The following CEP95 variants were observed in gnomAD, a reference collection of about 807,000 sequenced individuals.
CEP95 encodes centrosomal protein 95.
Under a neutral mutation model 111.2 loss-of-function variants are expected in CEP95, and 98 were observed. That is an observed-to-expected ratio of 0.88 (90% CI 0.75 to 1.04). The LOEUF (loss-of-function observed/expected upper bound fraction) is 1.04, where lower values mean the gene tolerates loss of function less well. Among genes scored for constraint, CEP95 ranks in the 50% least tolerant of loss-of-function variants. The probability of loss-of-function intolerance (pLI) is 0.00; values close to 1 mark genes in which losing one functional copy is unlikely to be tolerated. For missense variants in CEP95, 1,027 were observed against 977.2 expected (o/e 1.05, Z -0.68); for synonymous variants, 323 against 327.1 (o/e 0.99, Z 0.14).
intron 14 of CEP95, chr17:64,532,514 A>T: frequency 1.0e-6 from 1 of 985,412 alleles, no homozygotes; most frequent in Non-Finnish European, 1.2e-6. Flanking sequence ...TTTTCTTCTA[A>T]GCACTTGCCT....
intron 18 of CEP95, 71 bp downstream of exon 18, chr17:64,536,819 T>C: frequency 6.6e-7 from 1 of 1,504,980 alleles, no homozygotes; most frequent in Non-Finnish European, 9.0e-7. Flanking sequence ...AAAACTTGCT[T>C]AGTCTGTTGA....
At chr17:64,528,961 G>T (rs1968065494) in intron 11 of CEP95, among the ~76,000 whole-genome samples, 1 of 152,200 alleles carries the variant, frequency 6.6e-6, no homozygotes, top group Non-Finnish European at 1.5e-5. Flanking sequence ...GATAGCAGAT[G>T]CGTGGCTCAG....
chr17:64,534,474 C>T (rs1318583843), intron 16 of CEP95, 111 bp from the exon 17 acceptor site: 6 of 974,578 alleles, frequency 6.2e-6, no homozygotes, highest in African/African-American at 4.9e-5. Flanking sequence ...GCCCCCCACA[C>T]GTGACATACT....
At chr17:64,509,027 C>T (rs905549780) in intron 2 of CEP95, among the ~76,000 whole-genome samples, 14 of 152,098 alleles carry the variant, frequency 9.2e-5, no homozygotes, top group African/African-American at 3.4e-4. Flanking sequence ...ACGGCTTAAC[C>T]TAATCATGGC....
At chr17:64,518,620 C>T (rs1360821874) in intron 5 of CEP95, among the ~76,000 whole-genome samples, 1 of 152,140 alleles carries the variant, frequency 6.6e-6, no homozygotes, top group African/African-American at 2.4e-5. Context: ...ACAGGCAATG[C>T]CTTCTTTTTT....
intron 3 of CEP95, 69 bp from the exon 4 acceptor site, chr17:64,514,179 A>T (rs1555675773): frequency 3.1e-6 from 2 of 640,124 alleles, no homozygotes; most frequent in African/African-American, 3.6e-5. Flanking sequence ...GTTATATCCA[A>T]GTTTCAAGAT....
In CEP95 at chr17:64,508,663, T is replaced by G. The variant is rs1174111314; in HGVS notation, c.91T>G (p.Cys31Gly). 4.1e-6 allele frequency: 6 copies of G among 1,465,100 alleles called. No homozygotes were observed. The highest frequency in any genetic ancestry group is 5.5e-6 in the Non-Finnish European group (6 of 1,099,652). The allele number at this position is 1,465,100 out of a possible 1,614,324, so 90.8% of individuals were successfully genotyped here. ...IHLRIHELQD[C>G]DANVFIALYQ... Reference sequence around the variant, plus strand: ...TCTGAGAATACATGAACTTCAAGACTGTGATGCTAATGTTTTTATTGCTCT... The same window carrying G: ...TCTGAGAATACATGAACTTCAAGACGGTGATGCTAATGTTTTTATTGCTCT... Residue 31 changes from cysteine (C) to glycine (G), a missense_variant, in exon 2 of 20, where the codon TGT becomes GGT. Cys to Gly is a radical substitution (Grantham distance 159, BLOSUM62 -3). Coordinates refer to ENST00000556440, the MANE Select transcript of CEP95 (RefSeq NM_138363.3).
rs1968315821 is a variant in CEP95 at position 64,532,004 on chromosome 17, C to G, written c.1654C>G (p.Pro552Ala). Residue 552 changes from proline (P) to alanine (A), a missense_variant, in exon 14 of 20, where the codon CCA (proline) becomes GCA (alanine). Transcript: ENST00000556440. ...GAGTCTAAGAGGTGGCCTCCCAAAG[C>G]CAAATAAAGCAGTTCCAAGTAAGAA... is the stretch of plus-strand genomic sequence containing the variant. ...TQSLRGGLPK[P>A]NKAVPMKVSE... 6.3e-7 allele frequency: 1 copy of G among 1,583,004 alleles called. No homozygotes were observed. The highest frequency in any genetic ancestry group is 1.4e-5 in the African/African-American group (1 of 72,954).
Position 64,510,237 on chromosome 17 carries a change from A to C in CEP95, c.213A>C (p.Ser71=). The part of the protein sequence containing the change: ...DAHNVQAVID[S]LALDYLQVSL... ...ACAATGTACAAGCAGTAATTGATTCACTGGCCTTGGACTACTTGCAGGTCA... is the reference window on the plus strand; with the variant it reads ...ACAATGTACAAGCAGTAATTGATTCCCTGGCCTTGGACTACTTGCAGGTCA... Residue 71 remains serine, a synonymous_variant, in exon 3 of 20, where the codon TCA becomes TCC. Transcript: ENST00000556440. 6.2e-7 allele frequency: 1 copy of C among 1,612,038 alleles called. No individual in the cohort carries two copies. Among genetic ancestry groups the C allele is most frequent in the Non-Finnish European group, 8.5e-7 (1 of 1,178,874 alleles).
intron 14 of CEP95, chr17:64,532,521 G>C: frequency 1.0e-6 from 1 of 985,346 alleles, no homozygotes; most frequent in Non-Finnish European, 1.2e-6. Flanking sequence ...CTAAGCACTT[G>C]CCTACCGGGA....
intron 3 of CEP95, among the ~76,000 whole-genome samples, chr17:64,511,718 T>G (rs782649776): frequency 2.0e-5 from 3 of 152,202 alleles, no homozygotes; most frequent in Non-Finnish European, 4.4e-5. Flanking sequence ...AAGACAGGCC[T>G]AGGAAATCAC....
chr17:64,522,835 G>C lies in CEP95; in HGVS notation c.849G>C (p.Leu283Phe). The part of the protein sequence containing the change: ...RAPCPIGKEY[L>F]HSSHCSPAVN... The stretch of plus-strand genomic sequence containing the variant: ...CCTGCCCCATAGGAAAAGAATACTT[G>C]CATTCAAGTCACTGCTCCCCAGCCG... The change falls in exon 8 of 20, where the codon TTG becomes TTC. Residue 283 changes from leucine (L) to phenylalanine (F), a missense_variant. By Grantham distance (22) the Leu-to-Phe change is conservative. Transcript: ENST00000556440. 6.2e-7 allele frequency: 1 copy of C among 1,613,514 alleles called. No individual in the cohort carries two copies. The highest frequency in any genetic ancestry group is 8.5e-7 in the Non-Finnish European group (1 of 1,179,806).
intron 10 of CEP95, 32 bp downstream of exon 10, chr17:64,526,232 TC>T (rs1967807496): frequency 1.1e-5 from 18 of 1,585,558 alleles, no homozygotes; most frequent in Admixed American, 1.8e-5. Context: ...ATATTGAGAT[TC>T]CCATGGGTTA....
intron 16 of CEP95, 26 bp from the exon 17 acceptor site, chr17:64,534,554 CCTTCT>C (rs1555681075): frequency 6.3e-7 from 1 of 1,597,660 alleles, no homozygotes; most frequent in Non-Finnish European, 8.6e-7. Context: ...TTGTCCTTAC[CCTTCT>C]CTTCCCTCCC....
In CEP95 at chr17:64,529,330, T is replaced by A; in HGVS notation, c.1349T>A (p.Leu450His). Reference protein sequence around the residue: ...RRKPPYRSHSLSPSPVNKHKQ... With the variant: ...RRKPPYRSHSHSPSPVNKHKQ... ...AAGCCACCCTACAGATCCCATTCGCTCTCTCCATCTCCAGTTAACAAACAC... is the reference window on the plus strand; with the variant it reads ...AAGCCACCCTACAGATCCCATTCGCACTCTCCATCTCCAGTTAACAAACAC... Residue 450 changes from leucine (L) to histidine (H), a missense_variant, in exon 12 of 20, where the codon CTC becomes CAC. Physicochemically the swap from Leu to His is moderately conservative, Grantham distance 99. Coordinates refer to ENST00000556440, the MANE Select transcript of CEP95 (RefSeq NM_138363.3). 1.2e-6 allele frequency: 2 copies of A among 1,613,728 alleles called. No homozygotes were observed. The highest frequency in any genetic ancestry group is 1.7e-6 in the Non-Finnish European group (2 of 1,179,792).
At chr17:64,529,183 C>A in intron 11 of CEP95, 105 bp from the exon 12 acceptor site, 2 of 978,878 alleles carry the variant, frequency 2.0e-6, no homozygotes, top group Non-Finnish European at 3.0e-6. Flanking sequence ...CCCTTTAGCA[C>A]ATTCACTCAT....
At position 64,507,013 on chromosome 17, in the gene CEP95, T is replaced by C. The variant is rs3744407; in HGVS notation, c.-85T>C. The C allele has an allele frequency of 0.11, 165,413 of 1,491,336 alleles. 25,487 individuals carry two copies. Among genetic ancestry groups the C allele is most frequent in the African/African-American group, 0.73 (52,925 of 72,040 alleles). The allele number at this position is 1,491,336 out of a possible 1,614,324, so 92.4% of individuals were successfully genotyped here. ...TTTGGTTCGTGCGTCCGCGCCCCAG[T>C]GTCGGGTCTGCGTGGATCGGTCCTT... On this transcript the variant is annotated 5_prime_UTR_variant, in exon 1 of 20. Coordinates refer to ENST00000556440, the MANE Select transcript of CEP95 (RefSeq NM_138363.3).
chr17:64,533,106 C>A lies in CEP95; in HGVS notation c.1843-11C>A. ...ATTATTAACCTACTTAACTTCATGT[C>A]CCCCTTCAAGATAGAAGAAGCCCTA... On this transcript the variant is annotated splice_polypyrimidine_tract_variant and intron_variant, in intron 15 of 19. Transcript: ENST00000556440. The A allele has an allele frequency of 2.5e-6, 4 of 1,606,548 alleles. No individual in the cohort carries two copies. Among genetic ancestry groups the A allele is most frequent in the Non-Finnish European group, 3.4e-6 (4 of 1,177,486 alleles).
intron 3 of CEP95, among the ~76,000 whole-genome samples, chr17:64,511,246 C>T (rs1228231531): frequency 6.6e-6 from 1 of 152,154 alleles, no homozygotes; most frequent in Non-Finnish European, 1.5e-5. Flanking sequence ...TTGAGAGCAA[C>T]CTGTCTGACC....
Sources: gnomAD v4.1 joint callset for allele counts (sites outside exome capture counted in the v4.1 genomes callset) on GRCh38, gnomAD v4.1.1 for gene constraint, MANE v1.5 for transcripts, NCBI Gene and HGNC (gene_info 2026-07-23, HGNC 2026-07-21) for gene names.